The following TNFRSF21 variants were observed in gnomAD, a reference collection of about 807,000 sequenced individuals.
The protein encoded by TNFRSF21 is TNF receptor superfamily member 21.
In TNFRSF21, 19 loss-of-function variants were observed where a neutral mutation model predicts 45.6. That is an observed-to-expected ratio of 0.42 (90% CI 0.29 to 0.61). TNFRSF21 has a LOEUF of 0.61. Among genes scored for constraint, TNFRSF21 ranks in the 20% least tolerant of loss-of-function variants. The pLI, the probability that TNFRSF21 is intolerant of heterozygous loss-of-function variation, is 0.23. For missense variants in TNFRSF21, 737 were observed against 851.5 expected (o/e 0.87, Z 1.67); for synonymous variants, 314 against 335.5 (o/e 0.94, Z 0.70).
chr6:47,271,919 A>C (rs1382894205), intron 3 of TNFRSF21, among the ~76,000 whole-genome samples: 2 of 152,216 alleles, frequency 1.3e-5, no homozygotes, highest in Admixed American at 1.3e-4. Context: ...GAGACAAAGA[A>C]GGCCATTACA....
chr6:47,232,502 G>A lies in TNFRSF21; in HGVS notation c.*263C>T, dbSNP rs188540781. 2.0e-5 allele frequency: 8 copies of A among 393,838 alleles called. No individual in the cohort carries two copies. In the East Asian group the frequency reaches 2.5e-4, roughly 12 times the overall value. 24.4% of individuals were successfully genotyped at this position (393,838 alleles called of 1,614,324 possible). On this transcript the variant is annotated 3_prime_UTR_variant, in exon 6 of 6. Transcript: ENST00000296861. ...TGGAACTTAAAAAACTTTAGTGGTG[G>A]GTATTTCACAACAGTTACACCTGGC...
chr6:47,275,673 AT>A (rs1394861936), intron 3 of TNFRSF21, among the ~76,000 whole-genome samples: 1 of 151,670 alleles, frequency 6.6e-6, no homozygotes, highest in African/African-American at 2.4e-5. Context: ...AGAAAAAAAA[AT>A]GTCTCACATT....
At position 47,253,451 on chromosome 6, in the gene TNFRSF21, G is replaced by A. The variant is rs372613747; in HGVS notation, c.1314C>T (p.Cys438=). The change falls in exon 4 of 6, where the codon TGC becomes TGT. Residue 438 remains cysteine (C), a synonymous_variant. Coordinates refer to ENST00000296861, the MANE Select transcript of TNFRSF21 (RefSeq NM_014452.5). ...CAGCAACCTCCCTCTCACTGGCATT[G>A]CAAAGAAACTGATAGATATCTTTCC... ...SQWKDIYQFL[C]NASEREVAAF... 1.2e-6 allele frequency: 2 copies of A among 1,613,976 alleles called. No individual in the cohort carries two copies. Among genetic ancestry groups the A allele is most frequent in the African/African-American group, 1.3e-5 (1 of 74,942 alleles).
At chr6:47,285,680 T>A (rs1432614112) in intron 2 of TNFRSF21, among the ~76,000 whole-genome samples, 2 of 152,220 alleles carry the variant, frequency 1.3e-5, no homozygotes, top group Non-Finnish European at 1.5e-5. Flanking sequence ...ACGCTGTCCT[T>A]GTTTCTCTTG....
chr6:47,270,487 T>G (rs1435457465), intron 3 of TNFRSF21, among the ~76,000 whole-genome samples: 3 of 152,156 alleles, frequency 2.0e-5, no homozygotes, highest in Non-Finnish European at 4.4e-5. Flanking sequence ...AAAGGTCATC[T>G]ACACCAAAAC....
chr6:47,275,434 C>T (rs1331644485), intron 3 of TNFRSF21, among the ~76,000 whole-genome samples: 2 of 152,214 alleles, frequency 1.3e-5, no homozygotes, highest in South Asian at 4.2e-4. Flanking sequence ...TGTTCTCACT[C>T]ATAGGTGGGA....
At position 47,283,391 on chromosome 6, in the gene TNFRSF21, T is replaced by C. The variant is rs372489483; in HGVS notation, c.1243+547A>G. 1.6e-4 allele frequency among the ~76,000 whole-genome samples: 24 copies of C among 152,308 alleles called. 2 individuals are homozygous for C. The highest frequency in any genetic ancestry group is 1.3e-3 in the Admixed American group (20 of 15,288). ...GACCATCCTACCCTCCTGATAGACA[T>C]GGGATCCTAAAATTTAAGTGGGGAA... On this transcript the variant is annotated intron_variant, in intron 3 of 5. Coordinates refer to ENST00000296861, the MANE Select transcript of TNFRSF21 (RefSeq NM_014452.5).
At chr6:47,264,722 A>G (rs73736386) in intron 3 of TNFRSF21, among the ~76,000 whole-genome samples, 9,109 of 152,100 alleles carry the variant, frequency 0.06, 886 homozygotes, top group African/African-American at 0.2. Flanking sequence ...TATAATCCTC[A>G]AACACCCTAA....
intron 3 of TNFRSF21, among the ~76,000 whole-genome samples, chr6:47,266,921 T>C (rs545739978): frequency 1.3e-5 from 2 of 152,236 alleles, no homozygotes; most frequent in South Asian, 4.1e-4. Context: ...GTTTGCTTTT[T>C]CACTTGTACA....
intron 4 of TNFRSF21, among the ~76,000 whole-genome samples, chr6:47,236,271 T>TA (rs1485265944): frequency 1.3e-5 from 2 of 151,936 alleles, no homozygotes; most frequent in Non-Finnish European, 2.9e-5. Flanking sequence ...CCGGCATGGA[T>TA]AAAAAAACCT....
At chr6:47,237,242 C>G (rs1764675092) in intron 4 of TNFRSF21, among the ~76,000 whole-genome samples, 1 of 152,132 alleles carries the variant, frequency 6.6e-6, no homozygotes, top group Non-Finnish European at 1.5e-5. Context: ...GCAACCGTAG[C>G]TGGTTGCATT....
At chr6:47,272,750 A>G (rs962725854) in intron 3 of TNFRSF21, among the ~76,000 whole-genome samples, 3 of 152,128 alleles carry the variant, frequency 2.0e-5, no homozygotes, top group Admixed American at 2.0e-4. Flanking sequence ...GAAGATCAAT[A>G]AAATTGGTAG....
At chr6:47,233,132 A>T (rs1441399577) in intron 5 of TNFRSF21, 138 bp from the exon 6 acceptor site, 3 of 718,930 alleles carry the variant, frequency 4.2e-6, no homozygotes, top group Non-Finnish European at 4.6e-6. Flanking sequence ...CATTACAGTG[A>T]GAGAGTGAGT....
At chr6:47,286,818 G>A (rs1762656369) in intron 1 of TNFRSF21, among the ~76,000 whole-genome samples, 1 of 152,152 alleles carries the variant, frequency 6.6e-6, no homozygotes, top group South Asian at 2.1e-4. Context: ...TGATGCTTTG[G>A]TTTCACTGCC....
Position 47,284,307 on chromosome 6 carries a change from G to A in TNFRSF21, c.874C>T (p.Leu292Phe), listed in dbSNP as rs1253295075. The A allele has an allele frequency of 6.2e-7, 1 of 1,607,092 alleles. No individual in the cohort carries two copies. The highest frequency in any genetic ancestry group is 8.5e-7 in the Non-Finnish European group (1 of 1,176,908). The change falls in exon 3 of 6, where the codon CTC (leucine) becomes TTC (phenylalanine). Residue 292 changes from leucine (L) to phenylalanine (F), a missense_variant. Physicochemically the swap from Leu to Phe is conservative, Grantham distance 22. Transcript: ENST00000296861. ...TGGTTGACTACCTGAAGGTTTGGGA[G>A]GGTCTTGTTCACGTCTTCCTTCCCC... ...ARGKEDVNKT[L>F]PNLQVVNHQQ...
intron 4 of TNFRSF21, 92 bp from the exon 5 acceptor site, chr6:47,234,990 T>A: frequency 1.5e-6 from 1 of 663,956 alleles, no homozygotes; most frequent in Non-Finnish European, 2.3e-6. Flanking sequence ...TTGTTCCATT[T>A]AACATTTTAT....
chr6:47,241,481 A>AT (rs143145661), intron 4 of TNFRSF21, among the ~76,000 whole-genome samples: 9,535 of 151,228 alleles, frequency 0.063, 381 homozygotes, highest in African/African-American at 0.11. Context: ...AATGTACCCA[A>AT]TTTTTTTTTT....
chr6:47,255,164 G>GT (rs970939827), intron 3 of TNFRSF21, among the ~76,000 whole-genome samples: 2 of 152,238 alleles, frequency 1.3e-5, no homozygotes, highest in Non-Finnish European at 2.9e-5. Flanking sequence ...TGCATCTGTG[G>GT]TCCCCAGATC....
chr6:47,301,093 T>TTTAAATTG (rs1347534653), intron 1 of TNFRSF21, among the ~76,000 whole-genome samples: 1 of 152,222 alleles, frequency 6.6e-6, no homozygotes, highest in Non-Finnish European at 1.5e-5. Flanking sequence ...CTTACATAAG[T>TTTAAATTG]TTAAATTGTT....
Sources: allele counts gnomAD v4.1 joint callset (sites outside exome capture counted in the v4.1 genomes callset), GRCh38; gene constraint gnomAD v4.1.1; transcripts MANE v1.5; gene names NCBI Gene and HGNC (gene_info 2026-07-23, HGNC 2026-07-21).